The following RARB variants were observed in gnomAD, a reference collection of about 807,000 sequenced individuals.
RARB encodes HBV-activated protein.
In RARB, 17 loss-of-function variants were observed where a neutral mutation model predicts 51.9. That is an observed-to-expected ratio of 0.33 (90% CI 0.22 to 0.49). The LOEUF (loss-of-function observed/expected upper bound fraction) is 0.49, where lower values mean the gene tolerates loss of function less well. Ranked by LOEUF, RARB falls within the 20% of genes least tolerant of loss-of-function variation. RARB has a pLI of 0.99. For missense variants in RARB, 369 were observed against 550.8 expected (o/e 0.67, Z 3.30); for synonymous variants, 215 against 195.4 (o/e 1.10, Z -0.84).
intron 3 of RARB, among the ~76,000 whole-genome samples, chr3:25,548,386 A>G (rs570707435): frequency 1.3e-5 from 2 of 152,174 alleles, no homozygotes; most frequent in Admixed American, 6.5e-5. Context: ...CTAATTTTCA[A>G]TGTCATTTAA....
At chr3:24,945,749 A>G in intron 2 of RARB, among the ~76,000 whole-genome samples, 1 of 152,210 alleles carries the variant, frequency 6.6e-6, no homozygotes, top group East Asian at 1.9e-4. Context: ...AAATAGATGT[A>G]TTTCTTGTTC....
intron 5 of RARB, among the ~76,000 whole-genome samples, chr3:25,262,957 G>A (rs73151291): frequency 0.011 from 1,733 of 152,134 alleles, 28 homozygotes; most frequent in African/African-American, 0.04. Context: ...CTGTCTTAAG[G>A]TCTTTCTCAT....
intron 2 of RARB, among the ~76,000 whole-genome samples, chr3:25,047,146 A>G (rs1429883949): frequency 6.6e-6 from 1 of 152,206 alleles, no homozygotes; most frequent in Non-Finnish European, 1.5e-5. Flanking sequence ...TGAGCTTTAC[A>G]GATTACTTAC....
chr3:25,158,324 A>G (rs969991827), intron 4 of RARB, among the ~76,000 whole-genome samples: 15 of 152,206 alleles, frequency 9.9e-5, no homozygotes, highest in African/African-American at 3.4e-4. Context: ...ATCACTTAGA[A>G]ATATTATTTT....
At position 25,032,153 on chromosome 3, in the gene RARB, C is replaced by T. The variant is rs149480659; in HGVS notation, c.-379-27972C>T. ...ATTCATAAATTTACTAATTGTTTCC[C>T]TCTGCTACTATAGTAGCCAGTGTTG... On this transcript the variant is annotated intron_variant, in intron 2 of 11. Coordinates refer to the RARB transcript ENST00000383772. Among the ~76,000 whole-genome samples, 339 of 152,250 alleles carry T rather than the reference C, an allele frequency of 2.2e-3. 2 individuals are homozygous for T. The highest frequency in any genetic ancestry group is 7.4e-3 in the African/African-American group (307 of 41,542).
intron 2 of RARB, among the ~76,000 whole-genome samples, chr3:24,985,491 A>G (rs939425139): frequency 1.2e-4 from 19 of 152,278 alleles, no homozygotes; most frequent in African/African-American, 3.1e-4. Context: ...GTTAATTGGT[A>G]ACTTTGCACA....
chr3:24,831,040 G>A (rs556973817), intron 1 of RARB, among the ~76,000 whole-genome samples: 1 of 152,110 alleles, frequency 6.6e-6, no homozygotes, highest in African/African-American at 2.4e-5. Flanking sequence ...GCTGGTTTTA[G>A]ATAGCCTCCT....
intron 3 of RARB, among the ~76,000 whole-genome samples, chr3:25,112,686 G>C (rs149807390): frequency 6.6e-6 from 1 of 152,238 alleles, no homozygotes; most frequent in East Asian, 1.9e-4. Context: ...GCTGAGGTAG[G>C]AGAATCACTT....
intron 5 of RARB, among the ~76,000 whole-genome samples, chr3:25,310,847 G>A (rs1223195211): frequency 2.6e-5 from 4 of 152,174 alleles, no homozygotes; most frequent in African/African-American, 9.7e-5. Context: ...TTACTCTGAA[G>A]CACTTAGGTT....
chr3:25,537,089 C>T (rs1699173636), intron 3 of RARB, among the ~76,000 whole-genome samples: 1 of 152,048 alleles, frequency 6.6e-6, no homozygotes, highest in Non-Finnish European at 1.5e-5. Flanking sequence ...GGGCCTGCTG[C>T]AGTAGGAGGC....
chr3:25,210,151 T>C (rs534285117), intron 5 of RARB, among the ~76,000 whole-genome samples: 13 of 152,274 alleles, frequency 8.5e-5, no homozygotes, highest in Admixed American at 5.2e-4. Flanking sequence ...TAGAAGTAGA[T>C]ACTAGCTAGC....
At chr3:24,934,690 A>C (rs778889669) in intron 2 of RARB, among the ~76,000 whole-genome samples, 11 of 152,146 alleles carry the variant, frequency 7.2e-5, no homozygotes, top group Non-Finnish European at 1.5e-4. Context: ...TAAATAAATA[A>C]ATTTTAATGT....
At chr3:25,067,612 C>T (rs2125306744) in intron 3 of RARB, among the ~76,000 whole-genome samples, 2 of 152,262 alleles carry the variant, frequency 1.3e-5, no homozygotes, top group South Asian at 4.1e-4. Flanking sequence ...TATCTGTTAT[C>T]CCTAGTCCTA....
upstream of RARB, among the ~76,000 whole-genome samples, chr3:25,424,049 A>C (rs916119976): frequency 1.3e-5 from 2 of 152,238 alleles, no homozygotes; most frequent in African/African-American, 4.8e-5. Context: ...TGGGAGAACA[A>C]TATTTGTGTG....
At chr3:25,082,791 GT>G (rs1294027968) in intron 3 of RARB, among the ~76,000 whole-genome samples, 1 of 151,896 alleles carries the variant, frequency 6.6e-6, no homozygotes, top group East Asian at 1.9e-4. Flanking sequence ...TTTCTCTGCT[GT>G]TTCCAATAAA....
intron 2 of RARB, among the ~76,000 whole-genome samples, chr3:24,916,303 C>T (rs1695104908): frequency 6.6e-6 from 1 of 152,094 alleles, no homozygotes; most frequent in South Asian, 2.1e-4. Context: ...AATCAACCTT[C>T]CCTACTACAC....
At chr3:25,496,609 A>G (rs1274711010) in intron 2 of RARB, among the ~76,000 whole-genome samples, 2 of 152,212 alleles carry the variant, frequency 1.3e-5, no homozygotes, top group African/African-American at 4.8e-5. Flanking sequence ...CATGTCACCT[A>G]TGTAACCTCT....
intron 5 of RARB, among the ~76,000 whole-genome samples, chr3:25,221,078 T>C (rs1186494584): frequency 6.6e-6 from 1 of 152,180 alleles, no homozygotes; most frequent in Non-Finnish European, 1.5e-5. Context: ...ATTTATGTTC[T>C]ACTTTCCAAA....
intron 5 of RARB, among the ~76,000 whole-genome samples, chr3:25,411,121 T>A (rs1401484901): frequency 6.6e-6 from 1 of 152,220 alleles, no homozygotes; most frequent in East Asian, 1.9e-4. Flanking sequence ...CTACCTTTTT[T>A]TAAATCAGCA....
Sources: gnomAD v4.1 joint callset for allele counts (sites outside exome capture counted in the v4.1 genomes callset) on GRCh38, gnomAD v4.1.1 for gene constraint, MANE v1.5 for transcripts, NCBI Gene and HGNC (gene_info 2026-07-23, HGNC 2026-07-21) for gene names.